BPTF: variants seen among roughly 807,000 people sequenced by gnomAD.
The protein encoded by BPTF is nucleosome-remodeling factor subunit BPTF.
A neutral mutation model predicts 292.5 loss-of-function variants in BPTF; 18 were observed. That is an observed-to-expected ratio of 0.06 (90% confidence interval 0.04 to 0.09). The LOEUF (loss-of-function observed/expected upper bound fraction) is 0.09, where lower values mean the gene tolerates loss of function less well. Ranked by LOEUF, BPTF falls within the 10% of genes least tolerant of loss-of-function variation. The probability of loss-of-function intolerance (pLI) is 1.00; values close to 1 mark genes in which losing one functional copy is unlikely to be tolerated. For missense variants in BPTF, 2,726 were observed against 3,498.7 expected (o/e 0.78, Z 5.57); for synonymous variants, 1,225 against 1,251.9 (o/e 0.98, Z 0.45).
chr17:67,890,433 C>A (rs550566918), intron 4 of BPTF, among the ~76,000 whole-genome samples: 2 of 152,210 alleles, frequency 1.3e-5, no homozygotes, highest in African/African-American at 4.8e-5. Context: ...TGATTTACAC[C>A]CTTCCTGCTC....
At chr17:67,975,626 G>T in intron 26 of BPTF, 146 bp from the exon 27 acceptor site, 1 of 570,250 alleles carries the variant, frequency 1.8e-6, no homozygotes. Flanking sequence ...TGTTCTTTAT[G>T]AATTGCAAAA....
intron 24 of BPTF, among the ~76,000 whole-genome samples, chr17:67,961,251 G>A (rs2067454927): frequency 6.6e-6 from 1 of 152,048 alleles, no homozygotes; most frequent in African/African-American, 2.4e-5. Flanking sequence ...CCATTCCATC[G>A]AGATTGCCTC....
In BPTF at chr17:67,909,662, C is replaced by A; in HGVS notation, c.2893C>A (p.Pro965Thr). The A allele has an allele frequency of 6.2e-7, 1 of 1,600,804 alleles. No individual in the cohort carries two copies. Among genetic ancestry groups the A allele is most frequent in the South Asian group, 1.1e-5 (1 of 87,408 alleles). The change falls in exon 10 of 28, where the codon CCT becomes ACT. Residue 965 changes from proline (P) to threonine (T), a missense_variant. Physicochemically the swap from Pro to Thr is conservative, Grantham distance 38. Transcript: ENST00000306378. ...SRSPKKIKIE[P>T]DSEKDEVKGS... Reference sequence around the variant, plus strand: ...AAGTCCAAAAAAAATAAAAATAGAGCCTGATTCTGAAAAAGATGAGGTAAA... The same window carrying A: ...AAGTCCAAAAAAAATAAAAATAGAGACTGATTCTGAAAAAGATGAGGTAAA...
chr17:67,885,842 C>T (rs904077346), intron 4 of BPTF, among the ~76,000 whole-genome samples: 8 of 151,976 alleles, frequency 5.3e-5, no homozygotes, highest in African/African-American at 1.7e-4. Context: ...CTGGGGTATC[C>T]AAAAAATTGT....
intron 14 of BPTF, among the ~76,000 whole-genome samples, chr17:67,923,213 G>C (rs530632062): frequency 1.3e-5 from 2 of 151,660 alleles, no homozygotes; most frequent in African/African-American, 4.8e-5. Context: ...ATGCCACCAC[G>C]CCCAGCTAAT....
rs35407119 is a variant in BPTF at position 67,844,070 on chromosome 17, CT to C, written c.614-9843del. 6.9e-3 allele frequency among the ~76,000 whole-genome samples: 652 copies of C among 94,194 alleles called. 4 individuals are homozygous for C. The highest frequency in any genetic ancestry group is 0.015 in the African/African-American group (389 of 26,704). 61.8% of individuals were successfully genotyped at this position (94,194 alleles called of 152,430 possible). On this transcript the variant is annotated intron_variant, in intron 1 of 27. Transcript: ENST00000306378. Reference sequence around the variant, plus strand: ...GTGAGCCACCGTGCCCGGCCCCCGCCTTTTTTTTTTTTTTTTTTTTTTTTTT... The same window carrying C: ...GTGAGCCACCGTGCCCGGCCCCCGCCTTTTTTTTTTTTTTTTTTTTTTTTT...
rs71354089 is a variant in BPTF, at chr17:67,881,858, G to GTT, written c.1864+6863_1864+6864dup. On this transcript the variant is annotated intron_variant, in intron 4 of 27. Coordinates refer to ENST00000306378, the MANE Select transcript of BPTF (RefSeq NM_182641.4). ...GGAGTTTTGGGGATTTTGGGTTTTT[G>GTT]TTTTTTTTTTTTTTTTTTTTTTTTT... 9.0e-3 allele frequency among the ~76,000 whole-genome samples: 270 copies of GTT among 30,008 alleles called. 18 individuals carry two copies. The highest frequency in any genetic ancestry group is 0.014 in the African/African-American group (161 of 11,230). 19.7% of individuals were successfully genotyped at this position (30,008 alleles called of 152,430 possible).
At chr17:67,897,601 G>A (rs1035020481) in intron 7 of BPTF, among the ~76,000 whole-genome samples, 8 of 152,070 alleles carry the variant, frequency 5.3e-5, no homozygotes, top group African/African-American at 1.9e-4. Context: ...CTCCTTTTGG[G>A]TGGGGGGAAG....
chr17:67,944,431 C>G, intron 20 of BPTF, 59 bp downstream of exon 20: 1 of 1,553,192 alleles, frequency 6.4e-7, no homozygotes, highest in Non-Finnish European at 8.8e-7. Context: ...GCTGGGCTAA[C>G]AGAGGCCAAC....
chr17:67,953,325 C>T (rs564660976), intron 23 of BPTF, among the ~76,000 whole-genome samples: 32 of 149,792 alleles, frequency 2.1e-4, no homozygotes, highest in African/African-American at 7.9e-4. Context: ...GGCGCGATCT[C>T]GGCTCCTGCA....
intron 23 of BPTF, among the ~76,000 whole-genome samples, chr17:67,949,967 T>C (rs997088645): frequency 6.1e-5 from 9 of 148,588 alleles, no homozygotes; most frequent in African/African-American, 2.0e-4. Context: ...GTGGGGAGAA[T>C]TGCTTGAACT....
intron 7 of BPTF, among the ~76,000 whole-genome samples, chr17:67,902,724 G>A (rs2061929174): frequency 6.6e-6 from 1 of 152,076 alleles, no homozygotes; most frequent in African/African-American, 2.4e-5. Flanking sequence ...AGATTGATGG[G>A]GAGTTTTTTG....
At chr17:67,875,611 C>T in intron 4 of BPTF, 1 of 1,596,826 alleles carries the variant, frequency 6.3e-7, no homozygotes, top group South Asian at 1.1e-5. Context: ...TTGGCGACAA[C>T]ACAACAAATG....
Position 67,945,538 on chromosome 17 carries a change from C to G in BPTF, c.6830C>G (p.Ala2277Gly), listed in dbSNP as rs782164543. 6.2e-7 allele frequency: 1 copy of G among 1,613,268 alleles called. No homozygotes were observed. Among genetic ancestry groups the G allele is most frequent in the South Asian group, 1.1e-5 (1 of 90,982 alleles). ...EAQPQTAQPS[A>G]QPQPQTQPQS... ...CAGCCACAGACTGCTCAGCCTTCAG[C>G]TCAGCCCCAGCCCCAAACCCAGCCC... Residue 2277 changes from alanine (A) to glycine (G), a missense_variant, in exon 21 of 28, where the codon GCT (alanine) becomes GGT (glycine). By Grantham distance (60) the Ala-to-Gly change is moderately conservative. Coordinates refer to ENST00000306378, the MANE Select transcript of BPTF (RefSeq NM_182641.4).
At chr17:67,944,554 C>G in intron 20 of BPTF, 182 bp downstream of exon 20, 1 of 632,776 alleles carries the variant, frequency 1.6e-6, no homozygotes, top group Admixed American at 3.0e-5. Flanking sequence ...CTTACAGACT[C>G]CCTGTTACCA....
intron 23 of BPTF, among the ~76,000 whole-genome samples, 194 bp downstream of exon 23, chr17:67,948,500 T>TA (rs1314242348): frequency 6.6e-6 from 1 of 152,144 alleles, no homozygotes; most frequent in Non-Finnish European, 1.5e-5. Flanking sequence ...AAATGTGTAG[T>TA]TATATTGTAT....
intron 24 of BPTF, among the ~76,000 whole-genome samples, chr17:67,963,148 C>A (rs1340921070): frequency 6.6e-6 from 1 of 152,100 alleles, no homozygotes; most frequent in African/African-American, 2.4e-5. Context: ...TATGTTTCCA[C>A]ATGTGATAGA....
In BPTF at chr17:67,940,424, T is replaced by C. The variant is rs138729570; in HGVS notation, c.6260-15T>C. 3.4e-5 allele frequency: 55 copies of C among 1,611,942 alleles called. No homozygotes were observed. In the African/African-American group the frequency reaches 6.4e-4, roughly 19 times the overall value. ...AGGGTGTATAAGCATTCATAATGTT[T>C]TGCTGTTTGGGTAGGTGCTCCTCAG... On this transcript the variant is annotated splice_polypyrimidine_tract_variant and intron_variant, in intron 18 of 27. Coordinates refer to ENST00000306378, the MANE Select transcript of BPTF (RefSeq NM_182641.4).
intron 2 of BPTF, among the ~76,000 whole-genome samples, chr17:67,865,851 G>C (rs973189005): frequency 1.3e-5 from 2 of 152,140 alleles, no homozygotes; most frequent in South Asian, 2.1e-4. Flanking sequence ...TTTGGGCTTC[G>C]ATTGTCCAGA....
Sources: gnomAD v4.1 joint callset for allele counts (sites outside exome capture counted in the v4.1 genomes callset) on GRCh38, gnomAD v4.1.1 for gene constraint, MANE v1.5 for transcripts, NCBI Gene and HGNC (gene_info 2026-07-23, HGNC 2026-07-21) for gene names.